The following INPP4B variants were observed in gnomAD, a reference collection of about 807,000 sequenced individuals.
INPP4B encodes the protein inositol polyphosphate 4-phosphatase type II.
Under a neutral mutation model 122.5 loss-of-function variants are expected in INPP4B, and 55 were observed. That is an observed-to-expected ratio of 0.45 (90% confidence interval 0.36 to 0.56). The LOEUF is 0.56. INPP4B is among the 20% of genes least tolerant of loss of function. INPP4B has a pLI of 0.00. For synonymous variants in INPP4B, 403 were observed against 388.7 expected (o/e 1.04, Z -0.43); for missense variants, 1,000 against 1,097.7 (o/e 0.91, Z 1.26).
intron 25 of INPP4B, among the ~76,000 whole-genome samples, chr4:142,047,382 C>A (rs74347140): frequency 0.016 from 2,375 of 152,074 alleles, 79 homozygotes; most frequent in African/African-American, 0.055. Flanking sequence ...AGACACAGAG[C>A]TTGGAAAAAG....
intron 2 of INPP4B, among the ~76,000 whole-genome samples, chr4:142,485,306 C>A (rs894576405): frequency 9.9e-5 from 15 of 151,978 alleles, no homozygotes; most frequent in African/African-American, 2.4e-5. Context: ...ACCAACCAAC[C>A]AACCTTAAGT....
At chr4:142,403,272 G>A (rs903071910) in intron 6 of INPP4B, among the ~76,000 whole-genome samples, 4 of 152,184 alleles carry the variant, frequency 2.6e-5, no homozygotes, top group African/African-American at 7.2e-5. Context: ...AAATGAACCT[G>A]CATCATTGTC....
At chr4:142,720,799 C>CTATATATATA (rs1330449318) in intron 2 of INPP4B, among the ~76,000 whole-genome samples, 7 of 26,330 alleles carry the variant, frequency 2.7e-4, no homozygotes, top group Admixed American at 6.4e-4. Flanking sequence ...CTCTCTCTCT[C>CTATATATATA]TCTCTCTCTC....
At chr4:142,677,800 C>T (rs534397261) in intron 2 of INPP4B, among the ~76,000 whole-genome samples, 1 of 152,106 alleles carries the variant, frequency 6.6e-6, no homozygotes, top group African/African-American at 2.4e-5. Context: ...AATGAGAACA[C>T]ATGGCCACAG....
chr4:142,746,135 C>T (rs1482878090), intron 1 of INPP4B, among the ~76,000 whole-genome samples: 1 of 151,884 alleles, frequency 6.6e-6, no homozygotes, highest in Non-Finnish European at 1.5e-5. Context: ...ACAAATACTA[C>T]ACACACATTC....
chr4:142,338,383 C>G (rs1375705836), intron 7 of INPP4B, among the ~76,000 whole-genome samples: 1 of 151,910 alleles, frequency 6.6e-6, no homozygotes, highest in Non-Finnish European at 1.5e-5. Context: ...CTACAGGCGC[C>G]CGCCACCACA....
intron 1 of INPP4B, among the ~76,000 whole-genome samples, chr4:142,806,194 G>A (rs1040226333): frequency 6.7e-6 from 1 of 148,826 alleles, no homozygotes; most frequent in African/African-American, 2.5e-5. Flanking sequence ...CAGGAGAATG[G>A]CGTGAACCCG....
intron 12 of INPP4B, among the ~76,000 whole-genome samples, chr4:142,227,703 C>T (rs1049232998): frequency 2.7e-5 from 4 of 150,558 alleles, no homozygotes; most frequent in African/African-American, 9.8e-5. Context: ...TCTACTAAAA[C>T]AAAAATTAGC....
intron 2 of INPP4B, among the ~76,000 whole-genome samples, chr4:142,679,836 A>C (rs540173848): frequency 1.3e-5 from 2 of 151,986 alleles, no homozygotes; most frequent in Admixed American, 6.6e-5. Flanking sequence ...ATTATCTCTC[A>C]GTCAGGCAAG....
intron 2 of INPP4B, among the ~76,000 whole-genome samples, chr4:142,480,389 C>G (rs1023282774): frequency 3.3e-5 from 5 of 152,108 alleles, no homozygotes; most frequent in Non-Finnish European, 7.4e-5. Context: ...GAGACCCCAC[C>G]ACACTGCAGA....
At chr4:142,825,447 T>C (rs953325119) in intron 1 of INPP4B, among the ~76,000 whole-genome samples, 4 of 152,140 alleles carry the variant, frequency 2.6e-5, no homozygotes, top group Non-Finnish European at 5.9e-5. Flanking sequence ...TCAACATATA[T>C]GTGCACAGGC....
At chr4:142,399,732 CA>C (rs1425848339) in intron 7 of INPP4B, among the ~76,000 whole-genome samples, 3 of 152,226 alleles carry the variant, frequency 2.0e-5, no homozygotes, top group African/African-American at 7.2e-5. Context: ...TTAAAATTGC[CA>C]TCAGACAGTG....
At chr4:142,584,037 G>A (rs1037934482) in intron 2 of INPP4B, among the ~76,000 whole-genome samples, 2 of 151,942 alleles carry the variant, frequency 1.3e-5, no homozygotes, top group Non-Finnish European at 2.9e-5. Context: ...GAAAAGGAGG[G>A]TATAGGTTCT....
intron 16 of INPP4B, among the ~76,000 whole-genome samples, chr4:142,170,381 G>T (rs1825018093): frequency 6.6e-6 from 1 of 151,582 alleles, no homozygotes; most frequent in South Asian, 2.1e-4. Flanking sequence ...TGATTTTTGT[G>T]AAATTTTAAT....
chr4:142,695,181 T>A (rs1183675129), intron 2 of INPP4B, among the ~76,000 whole-genome samples: 4 of 152,140 alleles, frequency 2.6e-5, no homozygotes, highest in Non-Finnish European at 4.4e-5. Flanking sequence ...AGTTCCCTTA[T>A]GGAGACATCA....
Position 142,028,814 on chromosome 4 carries a change from G to A in INPP4B, c.2743C>T (p.Pro915Ser). 6.2e-7 allele frequency: 1 copy of A among 1,612,862 alleles called. No individual in the cohort carries two copies. Among genetic ancestry groups the A allele is most frequent in the East Asian group, 2.2e-5 (1 of 44,796 alleles). Residue 915 changes from proline (P) to serine (S), a missense_variant, in exon 26 of 26, where the codon CCA (proline) becomes TCA (serine). Transcript: ENST00000262992. Reference protein sequence around the residue: ...LMAFPKYYRPPEGTYGKADT With the variant: ...LMAFPKYYRPSEGTYGKADT Reference sequence around the variant, plus strand: ...TCAGCTTTTCCATAAGTCCCCTCTGGAGGTCTGTAGTACTTGGGGAAAGCC... The same window carrying A: ...TCAGCTTTTCCATAAGTCCCCTCTGAAGGTCTGTAGTACTTGGGGAAAGCC...
At chr4:142,194,803 C>T (rs1409527003) in intron 14 of INPP4B, among the ~76,000 whole-genome samples, 1 of 152,074 alleles carries the variant, frequency 6.6e-6, no homozygotes, top group Non-Finnish European at 1.5e-5. Context: ...GTTTCCTTAC[C>T]TATAAATTGT....
intron 23 of INPP4B, among the ~76,000 whole-genome samples, chr4:142,087,267 G>A (rs1777323234): frequency 6.6e-6 from 1 of 152,128 alleles, no homozygotes; most frequent in South Asian, 2.1e-4. Context: ...CACGGAAAGA[G>A]GAAAAACATG....
At chr4:142,069,754 G>A (rs1443382951) in intron 25 of INPP4B, among the ~76,000 whole-genome samples, 1 of 152,050 alleles carries the variant, frequency 6.6e-6, no homozygotes, top group African/African-American at 2.4e-5. Context: ...TAAATTCCTG[G>A]ACACATTCAC....
Sources: allele counts gnomAD v4.1 joint callset (sites outside exome capture counted in the v4.1 genomes callset), GRCh38; gene constraint gnomAD v4.1.1; transcripts MANE v1.5; gene names NCBI Gene and HGNC (gene_info 2026-07-23, HGNC 2026-07-21).